Variants in ABCA12 observed in about 807,000 individuals in gnomAD.
The protein encoded by ABCA12 is ATP binding cassette subfamily A member 12.
ABCA12 carries 156 observed loss-of-function variants against 293.5 expected under a neutral mutation model. That is an observed-to-expected ratio of 0.53 (90% CI 0.47 to 0.61). The LOEUF (loss-of-function observed/expected upper bound fraction) is 0.61. Ranked by LOEUF, ABCA12 falls within the 20% of genes least tolerant of loss-of-function variation. The pLI is 0.00. For synonymous variants in ABCA12, 1,063 were observed against 1,108.0 expected (o/e 0.96, Z 0.81); for missense variants, 2,797 against 3,090.2 (o/e 0.91, Z 2.25).
intron 44 of ABCA12, among the ~76,000 whole-genome samples, chr2:214,951,827 T>G (rs1698782040): frequency 6.6e-6 from 1 of 152,130 alleles, no homozygotes; most frequent in South Asian, 2.1e-4. Flanking sequence ...CAGCATAAGA[T>G]CTACCCTTTT....
At chr2:214,982,083 A>G in intron 30 of ABCA12, 104 bp downstream of exon 30, 1 of 1,213,504 alleles carries the variant, frequency 8.2e-7, no homozygotes, top group Non-Finnish European at 1.2e-6. Context: ...AAGTGCTGGG[A>G]TTATAGGCGT....
chr2:215,000,500 G>A (rs1209199847), intron 22 of ABCA12, among the ~76,000 whole-genome samples: 2 of 152,086 alleles, frequency 1.3e-5, no homozygotes, highest in South Asian at 2.1e-4. Flanking sequence ...TAGATCATTT[G>A]GTAAACACTT....
intron 30 of ABCA12, among the ~76,000 whole-genome samples, chr2:214,981,489 A>G (rs1372403724): frequency 6.6e-6 from 1 of 152,126 alleles, no homozygotes. Flanking sequence ...TAGCTCCTCT[A>G]AGCATTAAAC....
At chr2:214,983,581 A>G in intron 29 of ABCA12, 66 bp downstream of exon 29, 2 of 1,410,882 alleles carry the variant, frequency 1.4e-6, no homozygotes, top group Non-Finnish European at 1.0e-6. Context: ...CCAGAACTTT[A>G]CCAACCAAGC....
chr2:214,990,331 G>A (rs1177502936), intron 24 of ABCA12, among the ~76,000 whole-genome samples: 1 of 152,156 alleles, frequency 6.6e-6, no homozygotes, highest in Non-Finnish European at 1.5e-5. Flanking sequence ...TATATGTCAT[G>A]AGAACCATGA....
rs763979331 is a variant in ABCA12 at position 214,975,903 on chromosome 2, T to C, written c.5263A>G (p.Ile1755Val). The C allele has an allele frequency of 4.3e-6, 7 of 1,613,954 alleles. No homozygotes were observed. Among genetic ancestry groups the C allele is most frequent in the African/African-American group, 1.3e-5 (1 of 74,906 alleles). ...CCCATGGCAGTGGTAACAAAGACGA[T>C]GGGGAGGATAACCTGAGCAATGAGA... Reference protein sequence around the residue: ...KGLIAQVILPIVFVTTAMGLG... With the variant: ...KGLIAQVILPVVFVTTAMGLG... The change falls in exon 34 of 53, where the codon ATC becomes GTC. Residue 1755 changes from isoleucine (I) to valine (V), a missense_variant. This residue lies in a region of ABCA12 where 2,130 missense variants were observed against 2,427.0 expected (regional missense o/e 0.88). Transcript: ENST00000272895.
At chr2:215,005,021 A>T (rs1700223080) in intron 19 of ABCA12, among the ~76,000 whole-genome samples, 1 of 152,188 alleles carries the variant, frequency 6.6e-6, no homozygotes, top group Admixed American at 6.5e-5. Context: ...AGAAGACATA[A>T]CTTCTATCAC....
At chr2:215,046,099 A>T (rs1701196950) in intron 6 of ABCA12, 84 bp from the exon 7 acceptor site, 1 of 1,420,564 alleles carries the variant, frequency 7.0e-7, no homozygotes, top group African/African-American at 1.4e-5. Context: ...AAGCATCAAA[A>T]ATCTAGATTT....
At chr2:214,989,664 A>C in intron 24 of ABCA12, 43 bp from the exon 25 acceptor site, 4 of 1,605,064 alleles carry the variant, frequency 2.5e-6, no homozygotes, top group Non-Finnish European at 2.6e-6. Context: ...TGTAGATTTC[A>C]TGTATTTCAC....
rs555844323 is a variant in ABCA12, at chr2:214,971,163, T to G, written c.5563-763A>C. ...TGCTTCATTGCAATGAAGTTTAGTA[T>G]GGGAAAAGTCTAGCACGTTTTTATA... On this transcript the variant is annotated intron_variant, in intron 36 of 52. Transcript: ENST00000272895. Among the ~76,000 whole-genome samples the G allele has an allele frequency of 2.0e-5, 3 of 152,244 alleles. 1 individual carries two copies. In the South Asian group the frequency reaches 6.2e-4, roughly 32 times the overall value.
At chr2:215,094,753 A>G (rs984292176) in intron 2 of ABCA12, among the ~76,000 whole-genome samples, 2 of 152,142 alleles carry the variant, frequency 1.3e-5, no homozygotes, top group Non-Finnish European at 2.9e-5. Flanking sequence ...GCTTTCTAAT[A>G]CACCATAAAA....
In ABCA12 at chr2:215,019,350, G is replaced by A. The variant is rs1416496512; in HGVS notation, c.1643C>T (p.Ala548Val). 6.2e-7 allele frequency: 1 copy of A among 1,611,284 alleles called. No individual in the cohort carries two copies. The highest frequency in any genetic ancestry group is 2.2e-5 in the East Asian group (1 of 44,864). ...TGGGGAAACACCTGGCTTTTCAGAA[G>A]CATCTGCACTGTTATTGACATGCAG... The part of the protein sequence containing the change: ...AMLHVNNSAD[A>V]SEKPGQLLEM... The change falls in exon 13 of 53, where the codon GCT becomes GTT. Residue 548 changes from alanine (A) to valine (V), a missense_variant. This residue lies in a region of ABCA12 where 656 missense variants were observed against 638.2 expected (regional missense o/e 1.03). Coordinates refer to ENST00000272895, the MANE Select transcript of ABCA12 (RefSeq NM_173076.3).
intron 1 of ABCA12, among the ~76,000 whole-genome samples, chr2:215,115,239 G>C (rs986741205): frequency 1.3e-5 from 2 of 151,968 alleles, no homozygotes; most frequent in Non-Finnish European, 2.9e-5. Flanking sequence ...GCATTTTACG[G>C]GGAAAATAAA....
At chr2:215,134,607 A>ATG (rs1703164165) in intron 1 of ABCA12, among the ~76,000 whole-genome samples, 1 of 100,142 alleles carries the variant, frequency 1.0e-5, no homozygotes, top group Non-Finnish European at 1.9e-5. Flanking sequence ...CTCTATATAT[A>ATG]TATATATATA....
At chr2:215,104,566 C>A (rs1208656916) in intron 2 of ABCA12, among the ~76,000 whole-genome samples, 1 of 152,154 alleles carries the variant, frequency 6.6e-6, no homozygotes, top group East Asian at 1.9e-4. Flanking sequence ...CCAATCAAAT[C>A]CCAATTTCAG....
intron 52 of ABCA12, 135 bp downstream of exon 52, chr2:214,933,943 G>T: frequency 1.1e-6 from 1 of 892,098 alleles, no homozygotes. Flanking sequence ...TAGGCTCTTT[G>T]CTAAGTTTTT....
chr2:214,983,842 C>T lies in ABCA12; in HGVS notation c.4187G>A (p.Gly1396Glu). ...TTISMLTGLF[G>E]ASAGTIFVYG... is the part of the protein sequence containing the mutation. ...TACAAAAATGGTGCCTGCTGAGGCC[C>T]CAAACAGCCCAGTTAACATGGAACT... The change falls in exon 29 of 53, where the codon GGG (glycine) becomes GAG (glutamate). Residue 1396 changes from glycine (G) to glutamate (E), a missense_variant. Around this residue, in one of 3 missense-constraint regions of ABCA12, gnomAD observed 2,130 missense variants for 2,427.0 expected, o/e 0.88. Coordinates refer to ENST00000272895, the MANE Select transcript of ABCA12 (RefSeq NM_173076.3). 3.1e-6 allele frequency: 5 copies of T among 1,613,816 alleles called. No homozygotes were observed. The highest frequency in any genetic ancestry group is 4.2e-6 in the Non-Finnish European group (5 of 1,179,962).
intron 2 of ABCA12, chr2:215,082,698 A>G (rs1035472331): frequency 3.3e-5 from 5 of 152,162 alleles, no homozygotes; most frequent in African/African-American, 1.2e-4. Flanking sequence ...GTGACCCACC[A>G]TTCCACCTCA....
chr2:215,117,074 T>C (rs566218942), intron 1 of ABCA12, among the ~76,000 whole-genome samples: 1 of 152,332 alleles, frequency 6.6e-6, no homozygotes, highest in Non-Finnish European at 1.5e-5. Flanking sequence ...TTAAAGTATC[T>C]GGGGGTAATG....
Sources: allele counts gnomAD v4.1 joint callset (sites outside exome capture counted in the v4.1 genomes callset), GRCh38; gene constraint gnomAD v4.1.1; regional missense constraint gnomAD v4.1.1; transcripts MANE v1.5; gene names NCBI Gene and HGNC (gene_info 2026-07-23, HGNC 2026-07-21).